The following PLSCR4 variants were observed in gnomAD, a reference collection of about 807,000 sequenced individuals.
PLSCR4 encodes Ca(2+)-dependent phospholipid scramblase 4.
In PLSCR4, 25 loss-of-function variants were observed where a neutral mutation model predicts 36.3. The ratio of observed to expected loss-of-function variants is 0.69; its 90% CI spans 0.50 to 0.96. The LOEUF (loss-of-function observed/expected upper bound fraction) is 0.96, where lower values mean the gene tolerates loss of function less well. Among genes scored for constraint, PLSCR4 ranks in the 40% least tolerant of loss-of-function variants. The pLI, the probability that PLSCR4 is intolerant of heterozygous loss-of-function variation, is 0.00. For missense variants in PLSCR4, 408 were observed against 414.7 expected, an observed-to-expected ratio of 0.98 and a Z score of 0.14; for synonymous variants, 122 against 132.9, an observed-to-expected ratio of 0.92 and a Z score of 0.56.
At chr3:146,233,491 T>C (rs983437624) in intron 1 of PLSCR4, among the ~76,000 whole-genome samples, 3 of 152,150 alleles carry the variant, frequency 2.0e-5, no homozygotes, top group Admixed American at 2.0e-4. Flanking sequence ...AGAGAAGTTT[T>C]AAGGCATTTT....
At chr3:146,206,431 TCTC>T (rs2034331511) in intron 4 of PLSCR4, 92 bp downstream of exon 4, 3 of 817,540 alleles carry the variant, frequency 3.7e-6, no homozygotes, top group Middle Eastern at 3.1e-4. Context: ...CACTGACCCA[TCTC>T]CTTTATTCAC....
chr3:146,205,072 G>C (rs1203557221), intron 4 of PLSCR4, among the ~76,000 whole-genome samples: 1 of 151,974 alleles, frequency 6.6e-6, no homozygotes, highest in African/African-American at 2.4e-5. Flanking sequence ...ATTGAAAAGA[G>C]AAATGACAGA....
At chr3:146,245,035 T>C (rs1396562638) in intron 1 of PLSCR4, among the ~76,000 whole-genome samples, 1 of 152,068 alleles carries the variant, frequency 6.6e-6, no homozygotes, top group Non-Finnish European at 1.5e-5. Context: ...CTGGATGATT[T>C]TGCGTGGTTC....
In PLSCR4 at chr3:146,196,740, C is replaced by G; in HGVS notation, c.678G>C (p.Trp226Cys). ...GVTIGFVAEHWNLCRAVYSIQ... is the reference protein window; with the variant it reads ...GVTIGFVAEHCNLCRAVYSIQ... ...TGCTGTACACCGCCCTGCACAGGTT[C>G]CAATGTTCCGCAACAAAGCCAATGG... Residue 226 changes from tryptophan (W) to cysteine (C), a missense_variant, in exon 7 of 9, where the codon TGG becomes TGC. Coordinates refer to ENST00000354952, the MANE Select transcript of PLSCR4 (RefSeq NM_020353.3). The G allele has an allele frequency of 6.2e-7, 1 of 1,613,948 alleles. No individual in the cohort carries two copies.
intron 5 of PLSCR4, 104 bp downstream of exon 5, chr3:146,200,931 T>C (rs1003637403): frequency 6.4e-5 from 46 of 715,268 alleles, no homozygotes; most frequent in Admixed American, 1.9e-4. Context: ...TTTTTTTCTT[T>C]GAGCCACTAA....
intron 1 of PLSCR4, 95 bp downstream of exon 1, chr3:146,250,865 G>GCCTCGGGCCTCCCCTGACGACGC (rs2036520899): frequency 6.6e-6 from 1 of 152,446 alleles, no homozygotes; most frequent in Non-Finnish European, 1.5e-5. Flanking sequence ...AGGCACCGCG[G>GCCTCGGGCCTCCCCTGACGACGC]CCTCGGGCCT....
At position 146,200,014 on chromosome 3, in the gene PLSCR4, A is replaced by G; in HGVS notation, c.423T>C (p.Asn141=). ...LEMMTCFETN[N]RYDIKNNSDQ... ...CTGAGTTGTTTTTAATATCATATCT[A>G]TTATTAGTTTCAAAACATGTCATCA... is the stretch of plus-strand genomic sequence containing the variant. Residue 141 remains asparagine (N), a synonymous_variant, in exon 6 of 9, where the codon AAT becomes AAC. Coordinates refer to ENST00000354952, the MANE Select transcript of PLSCR4 (RefSeq NM_020353.3). 6.3e-7 allele frequency: 1 copy of G among 1,594,954 alleles called. No individual in the cohort carries two copies. The highest frequency in any genetic ancestry group is 8.6e-7 in the Non-Finnish European group (1 of 1,163,024).
chr3:146,218,657 G>T (rs1211977896), intron 3 of PLSCR4, among the ~76,000 whole-genome samples: 1 of 152,208 alleles, frequency 6.6e-6, no homozygotes, highest in African/African-American at 2.4e-5. Context: ...TTTCATAAGA[G>T]TTCTGATTGC....
At chr3:146,234,870 T>TG (rs1302232701) in intron 1 of PLSCR4, among the ~76,000 whole-genome samples, 1 of 152,154 alleles carries the variant, frequency 6.6e-6, no homozygotes, top group Non-Finnish European at 1.5e-5. Context: ...CCAAGGGTTG[T>TG]GCACACACTA....
At chr3:146,200,209 T>A (rs1008601917) in intron 5 of PLSCR4, among the ~76,000 whole-genome samples, 170 bp from the exon 6 acceptor site, 3 of 152,054 alleles carry the variant, frequency 2.0e-5, no homozygotes, top group Non-Finnish European at 4.4e-5. Flanking sequence ...TAAAAGTATT[T>A]AAGCAATTGT....
At chr3:146,208,546 C>G (rs57375558) in intron 3 of PLSCR4, among the ~76,000 whole-genome samples, 2 of 151,850 alleles carry the variant, frequency 1.3e-5, no homozygotes, top group Admixed American at 6.6e-5. Context: ...GAATCTGTAA[C>G]GAACTCAAAC....
Position 146,206,518 on chromosome 3 carries a change from T to C in PLSCR4, c.354+8A>G, listed in dbSNP as rs763216699. On this transcript the variant is annotated splice_region_variant and intron_variant, in intron 4 of 8. Transcript: ENST00000354952. ...CATAAGAAAATAATTTGTATTTTCA[T>C]GGAGTACCTGAACTAAGTATTCCAG... The C allele has an allele frequency of 3.8e-6, 6 of 1,574,282 alleles. No individual in the cohort carries two copies. In the East Asian group the frequency reaches 1.1e-4, roughly 29 times the overall value.
rs759270857 is a variant in PLSCR4, at chr3:146,194,368, C to T, written c.*43G>A. On this transcript the variant is annotated 3_prime_UTR_variant, in exon 9 of 9. Coordinates refer to ENST00000354952, the MANE Select transcript of PLSCR4 (RefSeq NM_020353.3). ...GACTGTAAGCCCAATCCAACTTTTCCATTTTTCAAAATTAACCATAGTTGA... is the reference window on the plus strand; with the variant it reads ...GACTGTAAGCCCAATCCAACTTTTCTATTTTTCAAAATTAACCATAGTTGA... The T allele has an allele frequency of 1.4e-6, 2 of 1,430,298 alleles. No homozygotes were observed. The highest frequency in any genetic ancestry group is 2.0e-6 in the Non-Finnish European group (2 of 1,014,230). The allele number at this position is 1,430,298 out of a possible 1,614,324, so 88.6% of individuals were successfully genotyped here.
At position 146,195,178 on chromosome 3, in the gene PLSCR4, T is replaced by C. The variant is rs189123579; in HGVS notation, c.891A>G (p.Pro297=). ...ADADHFDIHF[P]LDLDVKMKAM... is the part of the protein sequence containing the mutation. ...CTTTCATCTTCACATCCAGGTCTAG[T>C]GGGAAGTGAATGTCAAAATGGTCAG... The change falls in exon 8 of 9, where the codon CCA becomes CCG. Residue 297 remains proline (P), a synonymous_variant. Transcript: ENST00000354952. 180 of 1,613,848 alleles carry C rather than the reference T, an allele frequency of 1.1e-4. No homozygotes were observed. In the East Asian group the frequency reaches 2.1e-3, roughly 19 times the overall value.
intron 3 of PLSCR4, among the ~76,000 whole-genome samples, chr3:146,209,916 A>G (rs2108254828): frequency 6.6e-6 from 1 of 152,236 alleles, no homozygotes; most frequent in South Asian, 2.1e-4. Context: ...CTGTGGTTGA[A>G]AACAAAATAA....
intron 3 of PLSCR4, among the ~76,000 whole-genome samples, chr3:146,212,758 G>T (rs2034689458): frequency 6.6e-6 from 1 of 152,164 alleles, no homozygotes; most frequent in Non-Finnish European, 1.5e-5. Context: ...ATGCTGAATA[G>T]AAGTGGCAAG....
chr3:146,236,959 T>G (rs1006035832), intron 1 of PLSCR4, among the ~76,000 whole-genome samples: 2 of 151,978 alleles, frequency 1.3e-5, no homozygotes, highest in Non-Finnish European at 1.5e-5. Flanking sequence ...CTGATATAGT[T>G]CCTACCTTAC....
At chr3:146,213,436 A>G (rs1479329325) in intron 3 of PLSCR4, among the ~76,000 whole-genome samples, 1 of 148,290 alleles carries the variant, frequency 6.7e-6, no homozygotes, top group Non-Finnish European at 1.5e-5. Context: ...GGATCAAGCC[A>G]TTCTCCTGTC....
At chr3:146,221,876 T>C (rs559928338) in intron 2 of PLSCR4, among the ~76,000 whole-genome samples, 189 bp downstream of exon 2, 1 of 152,068 alleles carries the variant, frequency 6.6e-6, no homozygotes, top group Non-Finnish European at 1.5e-5. Flanking sequence ...TTTCTGACAA[T>C]GATAGGAATG....
Sources: allele counts gnomAD v4.1 joint callset (sites outside exome capture counted in the v4.1 genomes callset), GRCh38; gene constraint gnomAD v4.1.1; transcripts MANE v1.5; gene names NCBI Gene and HGNC (gene_info 2026-07-23, HGNC 2026-07-21).